Variants in PGM5 observed in about 807,000 individuals in gnomAD.
PGM5 encodes the protein phosphoglucomutase-like protein 5.
In PGM5, 23 loss-of-function variants were observed where a neutral mutation model predicts 59.2. That is an observed-to-expected ratio of 0.39 (90% confidence interval 0.28 to 0.55). PGM5 has a LOEUF of 0.55. PGM5 is among the 20% of genes least tolerant of loss of function. The pLI, the probability that PGM5 is intolerant of heterozygous loss-of-function variation, is 0.66. For synonymous variants in PGM5, 214 were observed against 286.0 expected, an observed-to-expected ratio of 0.75 and a Z score of 2.54; for missense variants, 574 against 748.3, an observed-to-expected ratio of 0.77 and a Z score of 2.72.
intron 6 of PGM5, chr9:68,404,906 T>C (rs1457507031): frequency 6.6e-6 from 1 of 152,230 alleles, no homozygotes; most frequent in Non-Finnish European, 1.5e-5. Flanking sequence ...TGAAGTAGAT[T>C]GGCCTCAGGT....
At chr9:68,525,137 G>GT (rs1436174744) in intron 10 of PGM5, among the ~76,000 whole-genome samples, 1 of 151,994 alleles carries the variant, frequency 6.6e-6, no homozygotes, top group Non-Finnish European at 1.5e-5. Flanking sequence ...GGGTTTACGT[G>GT]TATCAGAGGA....
At position 68,451,074 on chromosome 9, in the gene PGM5, C is replaced by A. The variant is rs1199802536; in HGVS notation, c.1044-14019C>A. Among the ~76,000 whole-genome samples the A allele has an allele frequency of 2.6e-5, 4 of 152,106 alleles. No homozygotes were observed. In the East Asian group the frequency reaches 5.8e-4, roughly 22 times the overall value. On this transcript the variant is annotated intron_variant, in intron 6 of 10. Transcript: ENST00000396396. ...TGTCCCCAAAATACACAGCCACCTA[C>A]CCACTTGAACATCCATACACAAACA...
At chr9:68,436,583 T>G (rs1275091416) in intron 6 of PGM5, among the ~76,000 whole-genome samples, 3 of 152,216 alleles carry the variant, frequency 2.0e-5, no homozygotes, top group Admixed American at 6.5e-5. Flanking sequence ...GACCTGGTTG[T>G]TTAGCATTTC....
intron 6 of PGM5, among the ~76,000 whole-genome samples, chr9:68,433,409 T>A (rs1823389040): frequency 6.6e-6 from 1 of 152,262 alleles, no homozygotes; most frequent in African/African-American, 2.4e-5. Context: ...ATCTGCTCTT[T>A]AAAAGATTGT....
intron 1 of PGM5, among the ~76,000 whole-genome samples, chr9:68,361,038 C>T (rs1316666270): frequency 3.3e-5 from 5 of 152,132 alleles, no homozygotes; most frequent in African/African-American, 1.2e-4. Context: ...CCTGCCTCAG[C>T]TTCCTGAGTA....
intron 9 of PGM5, among the ~76,000 whole-genome samples, chr9:68,488,684 C>T (rs1367718484): frequency 6.6e-6 from 1 of 152,146 alleles, no homozygotes; most frequent in Non-Finnish European, 1.5e-5. Flanking sequence ...TTGATGTGTG[C>T]TTTCCACTAT....
chr9:68,457,806 T>G (rs1823802047), intron 6 of PGM5, among the ~76,000 whole-genome samples: 1 of 152,152 alleles, frequency 6.6e-6, no homozygotes, highest in African/African-American at 2.4e-5. Context: ...TATAAGTCAT[T>G]TTTTTTTAAG....
At chr9:68,431,981 G>A (rs1823358709) in intron 6 of PGM5, among the ~76,000 whole-genome samples, 1 of 152,190 alleles carries the variant, frequency 6.6e-6, no homozygotes, top group Admixed American at 6.5e-5. Context: ...AGTGTGAGAT[G>A]TTTGCAGACC....
At chr9:68,388,352 T>C (rs558720369) in intron 4 of PGM5, among the ~76,000 whole-genome samples, 2,248 of 146,832 alleles carry the variant, frequency 0.015, 45 homozygotes, top group African/African-American at 0.054. Flanking sequence ...TTACCACTCT[T>C]AATCCTCAAG....
intron 6 of PGM5, among the ~76,000 whole-genome samples, chr9:68,400,907 C>T (rs1554680553): frequency 2.0e-5 from 3 of 152,100 alleles, no homozygotes; most frequent in South Asian, 2.1e-4. Context: ...TATTCCTTGC[C>T]CTGGCAAATT....
chr9:68,470,007 G>A (rs1013936741), intron 7 of PGM5, among the ~76,000 whole-genome samples: 30 of 152,244 alleles, frequency 2.0e-4, no homozygotes, highest in African/African-American at 6.7e-4. Flanking sequence ...AAGGGATGGG[G>A]AGAGATGTTA....
chr9:68,523,696 C>T (rs1824931088), intron 10 of PGM5, among the ~76,000 whole-genome samples: 1 of 152,060 alleles, frequency 6.6e-6, no homozygotes, highest in African/African-American at 2.4e-5. Flanking sequence ...TTGCCTGCCC[C>T]GAAAGATGAA....
chr9:68,395,617 A>G (rs1374486113), intron 6 of PGM5: 2 of 152,098 alleles, frequency 1.3e-5, no homozygotes, highest in African/African-American at 2.4e-5. Context: ...TTTCTCTTAC[A>G]TGTATTTCAT....
chr9:68,427,852 A>G (rs1823263873), intron 6 of PGM5, among the ~76,000 whole-genome samples: 3 of 152,012 alleles, frequency 2.0e-5, no homozygotes, highest in Admixed American at 2.0e-4. Context: ...GTGGGCAGAG[A>G]TTGTCAAAGA....
intron 6 of PGM5, among the ~76,000 whole-genome samples, chr9:68,424,272 G>T (rs1448331077): frequency 5.3e-5 from 8 of 152,220 alleles, no homozygotes; most frequent in Admixed American, 5.2e-4. Context: ...CACAGACAGT[G>T]TGGCTTATGA....
At chr9:68,413,269 G>A (rs1465352979) in intron 6 of PGM5, among the ~76,000 whole-genome samples, 1 of 151,918 alleles carries the variant, frequency 6.6e-6, no homozygotes, top group African/African-American at 2.4e-5. Flanking sequence ...CCTCAATTAC[G>A]AGTGTAACAG....
At chr9:68,374,418 G>A (rs1262855179) in intron 1 of PGM5, among the ~76,000 whole-genome samples, 2 of 146,904 alleles carry the variant, frequency 1.4e-5, no homozygotes, top group Non-Finnish European at 3.0e-5. Flanking sequence ...TGTAATTATT[G>A]TCCTTTCTCT....
At chr9:68,460,146 C>T (rs1410792577) in intron 6 of PGM5, among the ~76,000 whole-genome samples, 3 of 152,294 alleles carry the variant, frequency 2.0e-5, no homozygotes, top group Non-Finnish European at 4.4e-5. Flanking sequence ...CTGGATATGC[C>T]TCACACACTT....
At chr9:68,359,822 A>G (rs1319925204) in intron 1 of PGM5, among the ~76,000 whole-genome samples, 1 of 152,242 alleles carries the variant, frequency 6.6e-6, no homozygotes, top group African/African-American at 2.4e-5. Flanking sequence ...TTAATTTTAC[A>G]AAGCAATTTT....
Sources: gnomAD v4.1 joint callset for allele counts (sites outside exome capture counted in the v4.1 genomes callset) on GRCh38, gnomAD v4.1.1 for gene constraint, MANE v1.5 for transcripts, NCBI Gene and HGNC (gene_info 2026-07-23, HGNC 2026-07-21) for gene names.